SENP1: variants seen among roughly 807,000 people sequenced by gnomAD.
SENP1 encodes SUMO specific peptidase 1.
SENP1 carries 21 observed loss-of-function variants against 93.0 expected under a neutral mutation model. The ratio of observed to expected loss-of-function variants is 0.23; its 90% CI spans 0.16 to 0.33. SENP1 has a LOEUF of 0.33. SENP1 is among the 10% of genes least tolerant of loss of function. The pLI is 1.00. For synonymous variants in SENP1, 256 were observed against 259.6 expected (o/e 0.99, Z 0.13); for missense variants, 591 against 758.7 (o/e 0.78, Z 2.60).
chr12:48,100,357 G>A (rs73301196), intron 2 of SENP1, among the ~76,000 whole-genome samples: 2,356 of 152,264 alleles, frequency 0.015, 77 homozygotes, highest in African/African-American at 0.053. Context: ...TTGGCTGGGC[G>A]CAGTGGCTCA....
intron 11 of SENP1, among the ~76,000 whole-genome samples, 153 bp from the exon 12 acceptor site, chr12:48,065,373 T>C (rs1251493109): frequency 6.6e-6 from 1 of 152,220 alleles, no homozygotes; most frequent in Non-Finnish European, 1.5e-5. Flanking sequence ...AAAAAATCAT[T>C]AGTCGAACCA....
chr12:48,104,983 T>C (rs2137420405), intron 1 of SENP1, among the ~76,000 whole-genome samples: 1 of 152,312 alleles, frequency 6.6e-6, no homozygotes, highest in South Asian at 2.1e-4. Context: ...ATGCTTAAAG[T>C]TGCGCTTTAA....
At chr12:48,104,216 AG>A (rs1946197029) in intron 1 of SENP1, among the ~76,000 whole-genome samples, 1 of 136,258 alleles carries the variant, frequency 7.3e-6, no homozygotes, top group Non-Finnish European at 1.5e-5. Context: ...GTCTAAAAAA[AG>A]AAGAAAAAAA....
intron 2 of SENP1, among the ~76,000 whole-genome samples, chr12:48,100,794 A>G (rs1945873577): frequency 6.6e-6 from 1 of 152,226 alleles, no homozygotes; most frequent in Admixed American, 6.5e-5. Context: ...AATAGGGATA[A>G]CAACAGTAAC....
intron 17 of SENP1, 49 bp from the exon 18 acceptor site, chr12:48,045,433 C>G: frequency 6.8e-7 from 1 of 1,469,862 alleles, no homozygotes; most frequent in Non-Finnish European, 9.5e-7. Context: ...TTGTCTAGAC[C>G]TGATACGCCT....
chr12:48,078,148 T>G (rs1289654683), intron 6 of SENP1, among the ~76,000 whole-genome samples: 1 of 151,458 alleles, frequency 6.6e-6, no homozygotes, highest in East Asian at 1.9e-4. Flanking sequence ...TTGGTTAAAT[T>G]TGATTGGTTT....
At position 48,043,666 on chromosome 12, in the gene SENP1, A is replaced by G. The variant is rs1040671797; in HGVS notation, c.*1656T>C. ...GAGAAAGGGAAAGAAAGAGAGAGAA[A>G]AAACAAACACACAAAAGGTGGTCTT... On this transcript the variant is annotated 3_prime_UTR_variant, in exon 18 of 18. Transcript: ENST00000549518. 22 of 152,746 alleles carry G rather than the reference A, an allele frequency of 1.4e-4. No homozygotes were observed. Among genetic ancestry groups the G allele is most frequent in the African/African-American group, 5.3e-4 (22 of 41,576 alleles). The allele number at this position is 152,746 out of a possible 1,614,324, so 9.5% of individuals were successfully genotyped here.
chr12:48,083,120 G>A (rs1256225233), intron 6 of SENP1, among the ~76,000 whole-genome samples: 2 of 152,106 alleles, frequency 1.3e-5, no homozygotes, highest in East Asian at 1.9e-4. Flanking sequence ...GCCCAGGCTC[G>A]TCTCGAACTC....
At chr12:48,051,535 T>G (rs921062309) in intron 13 of SENP1, among the ~76,000 whole-genome samples, 1 of 152,170 alleles carries the variant, frequency 6.6e-6, no homozygotes, top group Non-Finnish European at 1.5e-5. Context: ...TCTCCTCAAT[T>G]TTTTTAGCTA....
Position 48,085,064 on chromosome 12 carries a change from G to A in SENP1, c.381-1302C>T, listed in dbSNP as rs558785481. ...GTGAGCTCTGCCTGGCTGCAGGGAT[G>A]GCGGGGAGAAGGAAGCTCATCGCAG... On this transcript the variant is annotated intron_variant, in intron 5 of 17. Coordinates refer to ENST00000549518, the MANE Select transcript of SENP1 (RefSeq NM_001267594.2). 1.6e-5 allele frequency: 20 copies of A among 1,287,632 alleles called. No homozygotes were observed. The South Asian group carries it at 2.4e-4, about 16-fold the overall frequency. 79.8% of individuals were successfully genotyped at this position (1,287,632 alleles called of 1,614,324 possible). A position where few individuals can be genotyped will look rare whatever the true frequency, so the allele number is the denominator to read the frequency against.
chr12:48,046,821 A>G (rs757030362), intron 16 of SENP1, among the ~76,000 whole-genome samples, 157 bp downstream of exon 16: 26 of 152,236 alleles, frequency 1.7e-4, no homozygotes, highest in Non-Finnish European at 2.8e-4. Context: ...CACTTTTCCT[A>G]CGGATAGCTT....
At chr12:48,094,273 G>C (rs1023852388) in intron 4 of SENP1, among the ~76,000 whole-genome samples, 2 of 152,056 alleles carry the variant, frequency 1.3e-5, no homozygotes, top group East Asian at 1.9e-4. Context: ...CCAACTACTC[G>C]GGAGACTGAA....
At chr12:48,102,118 T>C (rs1945977460) in intron 1 of SENP1, among the ~76,000 whole-genome samples, 1 of 152,102 alleles carries the variant, frequency 6.6e-6, no homozygotes, top group South Asian at 2.1e-4. Context: ...TTCCACAAAA[T>C]AAAGATGTTA....
intron 6 of SENP1, among the ~76,000 whole-genome samples, chr12:48,075,968 G>A (rs73301161): frequency 0.015 from 2,290 of 152,196 alleles, 76 homozygotes; most frequent in African/African-American, 0.052. Context: ...GAGAGAGGAA[G>A]GTGCTTAATG....
At chr12:48,085,212 A>G in intron 5 of SENP1, 17 of 1,518,046 alleles carry the variant, frequency 1.1e-5, no homozygotes, top group Non-Finnish European at 1.6e-5. Context: ...GATCGAAGAC[A>G]CTTTCCGGCA....
intron 13 of SENP1, among the ~76,000 whole-genome samples, chr12:48,055,995 ATTT>A (rs1426709367): frequency 7.6e-6 from 1 of 131,110 alleles, no homozygotes; most frequent in Non-Finnish European, 1.5e-5. Flanking sequence ...GATATATATT[ATTT>A]AATATATATT....
chr12:48,096,542 G>A lies in SENP1; in HGVS notation c.136-115C>T, dbSNP rs530301694. ...ACAATCTCTGCTCACTGCAACCTCC[G>A]CCTCCTGAGTTCAAGTGATTCTCCT... On this transcript the variant is annotated intron_variant, in intron 3 of 17. Coordinates refer to ENST00000549518, the MANE Select transcript of SENP1 (RefSeq NM_001267594.2). 1.7e-3 allele frequency: 1,047 copies of A among 616,754 alleles called. 4 individuals are homozygous for A. The highest frequency in any genetic ancestry group is 2.5e-3 in the Non-Finnish European group (870 of 348,456). The allele number at this position is 616,754 out of a possible 1,614,324, so 38.2% of individuals were successfully genotyped here.
chr12:48,090,159 T>C (rs1356511536), intron 4 of SENP1, among the ~76,000 whole-genome samples: 6 of 152,276 alleles, frequency 3.9e-5, no homozygotes, highest in Non-Finnish European at 8.8e-5. Context: ...TCAGTATCTA[T>C]GCTTAGCATC....
intron 4 of SENP1, among the ~76,000 whole-genome samples, chr12:48,092,311 C>T (rs919164108): frequency 3.9e-5 from 6 of 151,948 alleles, no homozygotes; most frequent in African/African-American, 1.5e-4. Flanking sequence ...CCACTGCAAT[C>T]GATGTGGGGA....
Sources: gnomAD v4.1 joint callset for allele counts (sites outside exome capture counted in the v4.1 genomes callset) on GRCh38, gnomAD v4.1.1 for gene constraint, MANE v1.5 for transcripts, NCBI Gene and HGNC (gene_info 2026-07-23, HGNC 2026-07-21) for gene names.